Variants in JMJD1C observed in about 807,000 individuals in gnomAD.
The protein encoded by JMJD1C is jumonji domain containing 1C.
In JMJD1C, 31 loss-of-function variants were observed where a neutral mutation model predicts 245.3. The ratio of observed to expected loss-of-function variants is 0.13; its 90% CI spans 0.09 to 0.17. JMJD1C has a LOEUF of 0.17. JMJD1C is among the 10% of genes least tolerant of loss of function. The pLI, the probability that JMJD1C is intolerant of heterozygous loss-of-function variation, is 1.00. For synonymous variants in JMJD1C, 1,057 were observed against 1,017.4 expected (o/e 1.04, Z -0.74); for missense variants, 2,691 against 3,000.2 (o/e 0.90, Z 2.41).
At chr10:63,168,922 A>G (rs1351313474) in intron 24 of JMJD1C, among the ~76,000 whole-genome samples, 4 of 152,174 alleles carry the variant, frequency 2.6e-5, no homozygotes, top group African/African-American at 9.7e-5. Context: ...TTTATGAGGC[A>G]ATCTATCTGA....
At chr10:63,191,983 C>CAAAA (rs10652559) in intron 16 of JMJD1C, among the ~76,000 whole-genome samples, 2 of 60,834 alleles carry the variant, frequency 3.3e-5, no homozygotes, top group African/African-American at 2.0e-4. Context: ...GACTCTGTCT[C>CAAAA]AAAAAAAAAA....
rs935797334 is a variant in JMJD1C at position 63,214,032 on chromosome 10, G to C, written c.2135C>G (p.Thr712Arg). The C allele has an allele frequency of 1.2e-6, 2 of 1,614,192 alleles. No homozygotes were observed. The highest frequency in any genetic ancestry group is 1.7e-5 in the Admixed American group (1 of 60,030). The change falls in exon 8 of 26, where the codon ACA becomes AGA. Residue 712 changes from threonine to arginine, a missense_variant. Coordinates refer to ENST00000399262, the MANE Select transcript of JMJD1C (RefSeq NM_032776.3). The part of the protein sequence containing the change: ...PLIIDKNEHF[T>R]VYRDPALIGS... ...AATAAGTGCAGGATCTCTGTAAACT[G>C]TAAAATGCTCATTTTTATCAATGAT...
At chr10:63,410,268 T>C (rs1339011658) in intron 1 of JMJD1C, among the ~76,000 whole-genome samples, 1 of 152,202 alleles carries the variant, frequency 6.6e-6, no homozygotes, top group African/African-American at 2.4e-5. Flanking sequence ...ATGGCTTTTG[T>C]GTACAGGAAA....
chr10:63,454,508 C>T (rs988384543), intron 1 of JMJD1C, among the ~76,000 whole-genome samples: 9 of 152,084 alleles, frequency 5.9e-5, no homozygotes, highest in Non-Finnish European at 1.3e-4. Context: ...ACGGCAACCT[C>T]CACCTCCTGG....
intron 1 of JMJD1C, among the ~76,000 whole-genome samples, chr10:63,478,651 C>T (rs1953734506): frequency 6.6e-6 from 1 of 152,202 alleles, no homozygotes; most frequent in East Asian, 1.9e-4. Context: ...CAGTTGTCCT[C>T]TCCCGGTGTA....
At chr10:63,344,908 C>A (rs1418969867) in intron 2 of JMJD1C, among the ~76,000 whole-genome samples, 1 of 152,108 alleles carries the variant, frequency 6.6e-6, no homozygotes. Context: ...TCAACTGGAA[C>A]TCTCAAACAT....
chr10:63,421,615 T>C (rs1231538118), intron 1 of JMJD1C, among the ~76,000 whole-genome samples: 3 of 152,184 alleles, frequency 2.0e-5, no homozygotes, highest in African/African-American at 7.2e-5. Context: ...AATTAATATA[T>C]TGAAGTCCTA....
At chr10:63,371,378 C>T (rs1024982667) in intron 2 of JMJD1C, among the ~76,000 whole-genome samples, 4 of 152,132 alleles carry the variant, frequency 2.6e-5, no homozygotes, top group Admixed American at 6.6e-5. Context: ...ACAATTATCA[C>T]TTTTAAAGCT....
rs371564275 is a variant in JMJD1C, at chr10:63,305,459, CCTCTCTCTCTCTCT to C, written c.334-40709_334-40696del. ...GGATGACATGGCAAGACGCTCTGAC[CCTCTCTCTCTCTCT>C]CTCTCTCTCTCTCTCTCTCTCTGGA... On this transcript the variant is annotated intron_variant, in intron 2 of 25. Transcript: ENST00000399262. Among the ~76,000 whole-genome samples the C allele has an allele frequency of 3.9e-4, 44 of 113,072 alleles. 1 individual carries two copies. The highest frequency in any genetic ancestry group is 1.1e-3 in the African/African-American group (31 of 29,520). The allele number at this position is 113,072 out of a possible 152,430, so 74.2% of individuals were successfully genotyped here. A position where few individuals can be genotyped will look rare whatever the true frequency, so the allele number is the denominator to read the frequency against.
intron 1 of JMJD1C, among the ~76,000 whole-genome samples, chr10:63,432,856 C>T (rs1950843258): frequency 6.6e-6 from 1 of 152,128 alleles, no homozygotes; most frequent in Non-Finnish European, 1.5e-5. Context: ...CGACTGAATA[C>T]CTAAGATGAT....
intron 2 of JMJD1C, among the ~76,000 whole-genome samples, chr10:63,280,797 G>A (rs914023133): frequency 6.6e-6 from 1 of 152,038 alleles, no homozygotes; most frequent in African/African-American, 2.4e-5. Context: ...ACTCCTGAAT[G>A]TTTCATGTAT....
At chr10:63,422,099 T>C (rs1589717546) in intron 1 of JMJD1C, among the ~76,000 whole-genome samples, 1 of 152,288 alleles carries the variant, frequency 6.6e-6, no homozygotes, top group Non-Finnish European at 1.5e-5. Context: ...ACACCATTTA[T>C]TATAAAAACA....
intron 2 of JMJD1C, among the ~76,000 whole-genome samples, chr10:63,281,172 T>C (rs2133885923): frequency 6.8e-6 from 1 of 146,278 alleles, no homozygotes; most frequent in East Asian, 2.1e-4. Flanking sequence ...GCTCGCTCTG[T>C]CGCCCACGCT....
At chr10:63,202,158 G>A (rs1030511812) in intron 10 of JMJD1C, 2 of 267,918 alleles carry the variant, frequency 7.5e-6, no homozygotes, top group East Asian at 1.8e-4. Context: ...GGAGGCTGAG[G>A]CACAAGAACT....
At position 63,198,616 on chromosome 10, in the gene JMJD1C, TTCA is replaced by T; in HGVS notation, c.5385_5387del (p.Asp1795del). 6.2e-7 allele frequency: 1 copy of T among 1,608,342 alleles called. No individual in the cohort carries two copies. Among genetic ancestry groups the T allele is most frequent in the Non-Finnish European group, 8.5e-7 (1 of 1,175,310 alleles). On this transcript the variant is annotated inframe_deletion, in exon 12 of 26. Coordinates refer to ENST00000399262, the MANE Select transcript of JMJD1C (RefSeq NM_032776.3). ...TATATTTAGAAGTCTCTATATCTAGTTCATCATCTTCAAAATTTTCATGTGTCC... is the reference window on the plus strand; with the variant it reads ...TATATTTAGAAGTCTCTATATCTAGTTCATCTTCAAAATTTTCATGTGTCC...
At chr10:63,208,861 G>T in intron 9 of JMJD1C, 60 bp from the exon 10 acceptor site, 1 of 1,324,836 alleles carries the variant, frequency 7.5e-7, no homozygotes, top group Non-Finnish European at 1.0e-6. Context: ...TACAAAGACA[G>T]CTTCTATGCA....
intron 2 of JMJD1C, among the ~76,000 whole-genome samples, chr10:63,350,862 G>A (rs564163487): frequency 9.2e-5 from 14 of 151,792 alleles, no homozygotes; most frequent in Non-Finnish European, 1.5e-4. Flanking sequence ...CTCAAGATCC[G>A]CCCACCTTGG....
intron 1 of JMJD1C, among the ~76,000 whole-genome samples, chr10:63,416,710 GC>G (rs1210940748): frequency 6.6e-6 from 1 of 152,068 alleles, no homozygotes; most frequent in Non-Finnish European, 1.5e-5. Flanking sequence ...ATATAACTTA[GC>G]TTTGTAATAA....
intron 9 of JMJD1C, 53 bp downstream of exon 9, chr10:63,209,010 T>A (rs1009692065): frequency 6.9e-7 from 1 of 1,452,234 alleles, no homozygotes; most frequent in African/African-American, 1.4e-5. Flanking sequence ...AAAGGCAAAT[T>A]AAGAAAAATT....
Sources: gnomAD v4.1 joint callset for allele counts (sites outside exome capture counted in the v4.1 genomes callset) on GRCh38, gnomAD v4.1.1 for gene constraint, MANE v1.5 for transcripts, NCBI Gene and HGNC (gene_info 2026-07-23, HGNC 2026-07-21) for gene names.